LRRC53: variants seen among roughly 807,000 people sequenced by gnomAD.
LRRC53 encodes leucine-rich repeat-containing protein 53.
LRRC53 carries 25 observed loss-of-function variants against 13.6 expected under a neutral mutation model. The ratio of observed to expected loss-of-function variants is 1.83; its 90% confidence interval spans 1.34 to 2.56. The LOEUF is 2.56. Ranked by LOEUF, LRRC53 falls within the 30% of genes most tolerant of loss-of-function variation. The pLI is 0.00. For missense variants in LRRC53, 527 were observed against 275.8 expected (o/e 1.91, Z -6.45); for synonymous variants, 204 against 109.8 (o/e 1.86, Z -5.37).
chr1:74,497,615 T>TACATTCCTCCACACACAC (rs1553152943), intron 1 of LRRC53, among the ~76,000 whole-genome samples: 1 of 151,044 alleles, frequency 6.6e-6, no homozygotes, highest in African/African-American at 2.4e-5. Flanking sequence ...TACACACACA[T>TACATTCCTCCACACACAC]ACATTCCTCC....
chr1:74,502,715 C>T (rs17095460), intron 1 of LRRC53, among the ~76,000 whole-genome samples: 15,797 of 152,170 alleles, frequency 0.1, 2,181 homozygotes, highest in African/African-American at 0.32. Context: ...CTCACTCTAA[C>T]TCTGATAGTA....
At chr1:74,498,313 C>A (rs1669438972) in intron 1 of LRRC53, among the ~76,000 whole-genome samples, 1 of 152,154 alleles carries the variant, frequency 6.6e-6, no homozygotes, top group Non-Finnish European at 1.5e-5. Flanking sequence ...AGCGTAATCA[C>A]TATGTCATGA....
chr1:74,530,340 T>C, the LRRC53 span, among the ~76,000 whole-genome samples: 4,652 of 152,310 alleles, frequency 0.031, 114 homozygotes, highest in East Asian at 0.099. Flanking sequence ...ACTGCCTGGC[T>C]TAGGTTTGAA....
chr1:74,485,754 T>C (rs75485419), intron 1 of LRRC53, among the ~76,000 whole-genome samples: 2,923 of 152,168 alleles, frequency 0.019, 93 homozygotes, highest in African/African-American at 0.066. Context: ...AAAAAGCAAA[T>C]AGCCATGTTG....
chr1:74,471,936 T>C lies in LRRC53; in HGVS notation c.1686A>G (p.Lys562=), dbSNP rs886296772. 1 of 522,274 alleles carries C rather than the reference T, an allele frequency of 1.9e-6. No individual in the cohort carries two copies. Among genetic ancestry groups the C allele is most frequent in the Admixed American group, 3.6e-5 (1 of 27,732 alleles). The allele number at this position is 522,274 out of a possible 1,614,324, so 32.4% of individuals were successfully genotyped here. A position where few individuals can be genotyped will look rare whatever the true frequency, so the allele number is the denominator to read the frequency against. The change falls in exon 5 of 5, where the codon AAA becomes AAG. Residue 562 remains lysine (K), a synonymous_variant. Transcript: ENST00000294635. ...DDPCGLLKQS[K]PRYFQPNNSL... is the part of the protein sequence containing the mutation. ...AATTGTTTGGCTGAAAATACCTAGG[T>C]TTGCTCTGTTTTAACAGTCCACAAG...
intron 1 of LRRC53, among the ~76,000 whole-genome samples, chr1:74,506,641 G>A (rs1248556640): frequency 1.3e-5 from 2 of 152,166 alleles, no homozygotes; most frequent in African/African-American, 4.8e-5. Context: ...TGTTAGAAAT[G>A]TACAATCTCA....
upstream of LRRC53, among the ~76,000 whole-genome samples, chr1:74,515,330 T>A (rs1646334044): frequency 1.3e-5 from 2 of 152,148 alleles, no homozygotes; most frequent in African/African-American, 4.8e-5. Context: ...TTTTCCTTCA[T>A]CATTTGGGAC....
At position 74,480,720 on chromosome 1, in the gene LRRC53, C is replaced by T. The variant is rs547775196; in HGVS notation, c.337G>A (p.Val113Met). The change falls in exon 3 of 5, where the codon GTG (valine) becomes ATG (methionine). Residue 113 changes from valine to methionine, a missense_variant. Transcript: ENST00000294635. ...GTGCGGAGAGCATTATTGCTCAGCACCAGTACCTGCAGGCTGTGAAGCTTG... is the reference window on the plus strand; with the variant it reads ...GTGCGGAGAGCATTATTGCTCAGCATCAGTACCTGCAGGCTGTGAAGCTTG... ...FSKLHSLQVLVLSNNALRTLR... is the reference protein window; with the variant it reads ...FSKLHSLQVLMLSNNALRTLR... The T allele has an allele frequency of 6.1e-5, 44 of 717,462 alleles. No individual in the cohort carries two copies. The African/African-American group carries it at 7.1e-4, about 12-fold the overall frequency. The allele number at this position is 717,462 out of a possible 1,614,324, so 44.4% of individuals were successfully genotyped here. A position where few individuals can be genotyped will look rare whatever the true frequency, so the allele number is the denominator to read the frequency against.
the LRRC53 span, among the ~76,000 whole-genome samples, chr1:74,533,049 G>T: frequency 6.6e-6 from 1 of 152,130 alleles, no homozygotes; most frequent in African/African-American, 2.4e-5. Context: ...GGCAACAAAA[G>T]CCAAAATTGA....
the LRRC53 span, among the ~76,000 whole-genome samples, chr1:74,529,169 A>T: frequency 6.6e-6 from 1 of 152,238 alleles, no homozygotes. Context: ...CAAAATACTT[A>T]TTAATTACAA....
intron 4 of LRRC53, 26 bp downstream of exon 4, chr1:74,475,269 G>A (rs1668137004): frequency 1.6e-6 from 1 of 625,936 alleles, no homozygotes; most frequent in Non-Finnish European, 2.9e-6. Context: ...AACGGAGTGG[G>A]ATTTTCTAAA....
chr1:74,477,558 G>T (rs942511678), intron 3 of LRRC53, among the ~76,000 whole-genome samples: 1 of 152,146 alleles, frequency 6.6e-6, no homozygotes, highest in Non-Finnish European at 1.5e-5. Flanking sequence ...GAACAAAAGG[G>T]CTAAGTTTTC....
In LRRC53 at chr1:74,492,188, G is replaced by C. The variant is rs771486155; in HGVS notation, c.-26-8813C>G. The stretch of plus-strand genomic sequence containing the variant: ...GTGAACCGGGGAGGACCTGGCCGGA[G>C]TCATGTGGCAGCATTAAGAAGTCGT... On this transcript the variant is annotated intron_variant, in intron 1 of 4. Transcript: ENST00000294635. 2 of 1,613,090 alleles carry C rather than the reference G, an allele frequency of 1.2e-6. No homozygotes were observed. The highest frequency in any genetic ancestry group is 1.7e-5 in the Admixed American group (1 of 59,986).
chr1:74,522,974 T>G, the LRRC53 span, among the ~76,000 whole-genome samples: 1 of 152,180 alleles, frequency 6.6e-6, no homozygotes, highest in South Asian at 2.1e-4. Flanking sequence ...GAATCCAAAT[T>G]ACTAATGAGA....
At position 74,475,544 on chromosome 1, in the gene LRRC53, CAG is replaced by C. The variant is rs1370418185; in HGVS notation, c.1169_1170del (p.Ser390Ter). The C allele has an allele frequency of 1.5e-5, 11 of 717,448 alleles. No homozygotes were observed. The highest frequency in any genetic ancestry group is 2.9e-5 in the Non-Finnish European group (11 of 384,958). 44.4% of individuals were successfully genotyped at this position (717,448 alleles called of 1,614,324 possible). A position where few individuals can be genotyped will look rare whatever the true frequency, so the allele number is the denominator to read the frequency against. ...AATGATCCGTCAAGGGTTGCAGACTCAGAGGCCGATGTTGCTTGATGGCTATT... is the reference window on the plus strand; with the variant it reads ...AATGATCCGTCAAGGGTTGCAGACTCAGGCCGATGTTGCTTGATGGCTATT... ...QENSHQATSA[S>X]ESATLDGSFR... On this transcript the variant is annotated frameshift_variant, in exon 4 of 5. Coordinates refer to ENST00000294635, the MANE Select transcript of LRRC53 (RefSeq NM_001382280.1). LOFTEE classifies it high-confidence loss of function.
intron 1 of LRRC53, among the ~76,000 whole-genome samples, chr1:74,506,302 A>G (rs558225545): frequency 6.6e-6 from 1 of 152,300 alleles, no homozygotes; most frequent in African/African-American, 2.4e-5. Flanking sequence ...TTCTACAGCT[A>G]AGAGTTATTT....
Position 74,480,488 on chromosome 1 carries a change from C to T in LRRC53, c.569G>A (p.Arg190Gln), listed in dbSNP as rs899218527. The T allele has an allele frequency of 2.8e-6, 2 of 717,372 alleles. No individual in the cohort carries two copies. Among genetic ancestry groups the T allele is most frequent in the Non-Finnish European group, 5.2e-6 (2 of 385,092 alleles). 44.4% of individuals were successfully genotyped at this position (717,372 alleles called of 1,614,324 possible). Residue 190 changes from arginine (R) to glutamine (Q), a missense_variant, in exon 3 of 5, where the codon CGA becomes CAA. Coordinates refer to ENST00000294635, the MANE Select transcript of LRRC53 (RefSeq NM_001382280.1). ...LPQLQEVDLS[R>Q]NRLAHMPDVF... ...ATCCGGCATGTGGGCTAACCTATTT[C>T]GGGAAAGGTCCACTTCCTGTAGTTG...
At chr1:74,536,183 T>A in the LRRC53 span, among the ~76,000 whole-genome samples, 40 of 152,254 alleles carry the variant, frequency 2.6e-4, no homozygotes, top group African/African-American at 9.6e-4. Flanking sequence ...CTAGCACTTT[T>A]CCCATTCTTC....
At chr1:74,509,581 A>T (rs1201963258) in intron 1 of LRRC53, among the ~76,000 whole-genome samples, 2 of 152,180 alleles carry the variant, frequency 1.3e-5, no homozygotes, top group African/African-American at 4.8e-5. Flanking sequence ...AACATAGAGG[A>T]CAATGAATTA....
Sources: gnomAD v4.1 joint callset for allele counts (sites outside exome capture counted in the v4.1 genomes callset) on GRCh38, gnomAD v4.1.1 for gene constraint, MANE v1.5 for transcripts, NCBI Gene and HGNC (gene_info 2026-07-23, HGNC 2026-07-21) for gene names.